Variants in HAUS7 observed in about 807,000 individuals in gnomAD.
HAUS7 encodes HAUS augmin-like complex subunit 7.
A neutral mutation model predicts 28.4 loss-of-function variants in HAUS7; 3 were observed. The observed-to-expected ratio is 0.11, with a 90% CI of 0.05 to 0.27. The LOEUF is 0.27. Among genes scored for constraint, HAUS7 ranks in the 10% least tolerant of loss-of-function variants. The pLI, the probability that HAUS7 is intolerant of heterozygous loss-of-function variation, is 1.00. For synonymous variants in HAUS7, 165 were observed against 132.1 expected, an observed-to-expected ratio of 1.25 and a Z score of -1.71; for missense variants, 284 against 297.3, an observed-to-expected ratio of 0.96 and a Z score of 0.33.
intron 3 of HAUS7, among the ~76,000 whole-genome samples, chrX:153,463,999 C>A (rs1391947662): frequency 8.9e-6 from 1 of 112,932 alleles, no homozygotes; most frequent in African/African-American, 3.2e-5. Context: ...CACTGCTGCA[C>A]CCCAGCACCA....
chrX:153,478,505 T>TG (rs1474189603), intron 1 of HAUS7, among the ~76,000 whole-genome samples: 5 of 112,841 alleles, frequency 4.4e-5, no homozygotes, highest in Middle Eastern at 4.6e-3. Context: ...CCAAGAAGTC[T>TG]GGGGGGGACC....
At chrX:153,487,461 G>A (rs5945428) in intron 1 of HAUS7, among the ~76,000 whole-genome samples, 4,344 of 111,767 alleles carry the variant, frequency 0.039, 97 homozygotes, top group Non-Finnish European at 0.06. Flanking sequence ...AAGCCCCTTT[G>A]CCTCTCCCTT....
chrX:153,492,936 C>CCAAGCAGTG (rs1221420659), intron 1 of HAUS7, among the ~76,000 whole-genome samples: 1 of 111,879 alleles, frequency 8.9e-6, no homozygotes, highest in East Asian at 2.8e-4. Context: ...TTCTCAGTCC[C>CCAAGCAGTG]CAAGCAGTGC....
chrX:153,457,456 C>T (rs981583246), intron 4 of HAUS7, among the ~76,000 whole-genome samples: 2 of 113,326 alleles, frequency 1.8e-5, no homozygotes, highest in South Asian at 7.1e-4. Context: ...CACGCCAGAA[C>T]GGGCTGAGCA....
chrX:153,454,738 C>T, intron 8 of HAUS7: 1 of 513,088 alleles, frequency 1.9e-6, no homozygotes, highest in Admixed American at 3.3e-5. Flanking sequence ...GGGGATGCCA[C>T]ACTCTCATGT....
At position 153,479,280 on chromosome X, in the gene HAUS7, C is replaced by A. The variant is rs2089583060; in HGVS notation, c.-588-8135G>T. 3 of 710,576 alleles carry A rather than the reference C, an allele frequency of 4.2e-6. No individual in the cohort carries two copies. The East Asian group carries it at 4.7e-4, about 111-fold the overall frequency. The allele number at this position is 710,576 out of a possible 1,213,427, so 58.6% of individuals were successfully genotyped here. On this transcript the variant is annotated intron_variant, in intron 1 of 5. Coordinates refer to the HAUS7 transcript ENST00000370210. Reference sequence around the variant, plus strand: ...TGGCAGCCAAGAGGAGTGTGCTGCTCCCCATCCTGGCACTGTGGGCGGGGA... The same window carrying A: ...TGGCAGCCAAGAGGAGTGTGCTGCTACCCATCCTGGCACTGTGGGCGGGGA...
chrX:153,468,410 G>A (rs2089480033), intron 2 of HAUS7, among the ~76,000 whole-genome samples: 1 of 112,810 alleles, frequency 8.9e-6, no homozygotes, highest in African/African-American at 3.2e-5. Context: ...ACAGGAGCCT[G>A]TGCTCTGTGG....
rs141698717 is a variant in HAUS7 at position 153,480,948 on chromosome X, A to G, written c.-588-9803T>C. 4,158 of 754,007 alleles carry G rather than the reference A, an allele frequency of 5.5e-3. 117 individuals are homozygous for G. The African/African-American group carries it at 0.088, about 16-fold the overall frequency. 62.1% of individuals were successfully genotyped at this position (754,007 alleles called of 1,213,427 possible). On this transcript the variant is annotated intron_variant, in intron 1 of 5. Transcript: ENST00000370210. ...AGTCACCGAGGAGGACCAGGGCCAG[A>G]GGACAGGAGGCCGGGAAGACAAGGG...
At chrX:153,471,964 T>C (rs1569531367), upstream of HAUS7, among the ~76,000 whole-genome samples, 1 of 112,146 alleles carries the variant, frequency 8.9e-6, no homozygotes, top group Non-Finnish European at 1.9e-5. Context: ...TTTTCCCTCT[T>C]TTTTGTTTTT....
At chrX:153,461,123 G>A (rs1013713635) in intron 4 of HAUS7, among the ~76,000 whole-genome samples, 3 of 111,063 alleles carry the variant, frequency 2.7e-5, no homozygotes, top group African/African-American at 1.0e-4. Flanking sequence ...AGAGGCGGGA[G>A]GCGGCTGAAC....
At chrX:153,467,880 G>T (rs782681139) in intron 2 of HAUS7, among the ~76,000 whole-genome samples, 7 of 112,926 alleles carry the variant, frequency 6.2e-5, no homozygotes, top group Non-Finnish European at 1.1e-4. Context: ...GAGGGAAGCG[G>T]AATACATTCT....
chrX:153,474,371 C>T (rs990544616), upstream of HAUS7, among the ~76,000 whole-genome samples: 1 of 111,972 alleles, frequency 8.9e-6, no homozygotes, highest in Non-Finnish European at 1.9e-5. Context: ...GCACATTCCG[C>T]AGCGCAGTCA....
At position 153,476,053 on chromosome X, in the gene HAUS7, T is replaced by C. The variant is rs782729544; in HGVS notation, c.-588-4908A>G. Among the ~76,000 whole-genome samples the C allele has an allele frequency of 2.7e-5, 3 of 111,951 alleles. No individual in the cohort carries two copies. The South Asian group carries it at 1.1e-3, about 42-fold the overall frequency. On this transcript the variant is annotated intron_variant, in intron 1 of 5. Coordinates refer to the HAUS7 transcript ENST00000370210. ...ACAGCCTGAGGGGGGCCGGATCCTG[T>C]GACTCCTCTGCTTAGCAGTCCAAGG... is the stretch of plus-strand genomic sequence containing the variant.
chrX:153,462,199 G>A, intron 4 of HAUS7: 3 of 1,041,146 alleles, frequency 2.9e-6, no homozygotes, highest in Non-Finnish European at 3.7e-6. Context: ...GGGTGCTGGA[G>A]TTTCTTTGAC....
chrX:153,454,902 GA>G, intron 8 of HAUS7: 4 of 1,038,661 alleles, frequency 3.9e-6, no homozygotes, highest in Non-Finnish European at 5.1e-6. Flanking sequence ...GGTCTCACAG[GA>G]CCAGCCAGTC....
chrX:153,455,469 A>T, intron 8 of HAUS7, 73 bp downstream of exon 8: 3 of 707,631 alleles, frequency 4.2e-6, no homozygotes, highest in Non-Finnish European at 6.6e-6. Flanking sequence ...CCTGAGCCCA[A>T]GCAGGATATA....
chrX:153,485,675 C>A, intron 1 of HAUS7: 2 of 536,617 alleles, frequency 3.7e-6, no homozygotes, highest in Non-Finnish European at 4.7e-6. Context: ...AATCCCCACG[C>A]TCGTCTTGGG....
At chrX:153,492,283 G>A (rs1021598255) in intron 1 of HAUS7, among the ~76,000 whole-genome samples, 1 of 112,782 alleles carries the variant, frequency 8.9e-6, no homozygotes, top group African/African-American at 3.2e-5. Context: ...TACCTTCTGC[G>A]CTGCAGAGAG....
intron 8 of HAUS7, chrX:153,454,888 G>A (rs375622706): frequency 7.7e-6 from 8 of 1,032,285 alleles, no homozygotes; most frequent in Non-Finnish European, 1.0e-5. Flanking sequence ...ATCCCTGATC[G>A]AGGGGTCTCA....
Sources: gnomAD v4.1 joint callset for allele counts (sites outside exome capture counted in the v4.1 genomes callset) on GRCh38, gnomAD v4.1.1 for gene constraint, MANE v1.5 for transcripts, NCBI Gene and HGNC (gene_info 2026-07-23, HGNC 2026-07-21) for gene names.